The following SLC1A2 variants were observed in gnomAD, a reference collection of about 807,000 sequenced individuals.
The protein encoded by SLC1A2 is solute carrier family 1 member 2.
A neutral mutation model predicts 48.8 loss-of-function variants in SLC1A2; 15 were observed. The ratio of observed to expected loss-of-function variants is 0.31; its 90% CI spans 0.21 to 0.47. The LOEUF (loss-of-function observed/expected upper bound fraction) is 0.47, where lower values mean the gene tolerates loss of function less well. SLC1A2 is among the 20% of genes least tolerant of loss of function. The pLI is 0.99. For synonymous variants in SLC1A2, 279 were observed against 272.6 expected, an observed-to-expected ratio of 1.02 and a Z score of -0.23; for missense variants, 502 against 730.5, an observed-to-expected ratio of 0.69 and a Z score of 3.61.
At chr11:35,317,180 A>G in intron 2 of SLC1A2, 197 bp downstream of exon 2, 1 of 544,510 alleles carries the variant, frequency 1.8e-6, no homozygotes. Context: ...AAGAACTACT[A>G]GAATCCAAAG....
intron 1 of SLC1A2, among the ~76,000 whole-genome samples, chr11:35,325,704 T>C (rs1423752663): frequency 6.6e-6 from 1 of 152,164 alleles, no homozygotes; most frequent in African/African-American, 2.4e-5. Context: ...GGTTCATGCC[T>C]GTAATCCCAG....
intron 1 of SLC1A2, chr11:35,352,266 C>T (rs1853287912): frequency 6.6e-6 from 1 of 152,254 alleles, no homozygotes; most frequent in South Asian, 2.1e-4. Flanking sequence ...TCTCAAACTT[C>T]ATCTAGTTCC....
At chr11:35,347,442 A>C (rs570859827) in intron 1 of SLC1A2, among the ~76,000 whole-genome samples, 4 of 152,374 alleles carry the variant, frequency 2.6e-5, no homozygotes, top group African/African-American at 9.6e-5. Flanking sequence ...TCTCATGGGC[A>C]AAGTCCAAAT....
At chr11:35,360,213 T>C (rs1446002024) in intron 1 of SLC1A2, 4 of 361,700 alleles carry the variant, frequency 1.1e-5, no homozygotes, top group Non-Finnish European at 7.7e-6. Flanking sequence ...CTGACTTTTG[T>C]CATTTGGTTC....
intron 1 of SLC1A2, among the ~76,000 whole-genome samples, chr11:35,360,460 C>T (rs564498859): frequency 1.3e-5 from 2 of 152,302 alleles, no homozygotes; most frequent in Admixed American, 1.3e-4. Flanking sequence ...ACCTTCACTT[C>T]TCTAACACCA....
intron 1 of SLC1A2, among the ~76,000 whole-genome samples, chr11:35,417,108 G>A (rs148505816): frequency 8.7e-4 from 133 of 152,304 alleles, no homozygotes; most frequent in African/African-American, 2.6e-3. Context: ...TTTCCCAGCC[G>A]TTCAACTTTT....
intron 1 of SLC1A2, among the ~76,000 whole-genome samples, chr11:35,335,168 G>T (rs113160254): frequency 1.3e-4 from 20 of 152,190 alleles, no homozygotes; most frequent in Middle Eastern, 3.4e-3. Context: ...ATGCATTGAT[G>T]GGGGGGAAGT....
At chr11:35,332,467 C>T (rs1852461648) in intron 1 of SLC1A2, among the ~76,000 whole-genome samples, 1 of 152,202 alleles carries the variant, frequency 6.6e-6, no homozygotes, top group African/African-American at 2.4e-5. Context: ...AGGAACATGT[C>T]CTGTTTTTAT....
At chr11:35,319,860 G>T (rs138192497) in intron 1 of SLC1A2, among the ~76,000 whole-genome samples, 2 of 152,176 alleles carry the variant, frequency 1.3e-5, no homozygotes, top group African/African-American at 4.8e-5. Context: ...GAGAATTCTC[G>T]TGAGTTACCC....
At chr11:35,267,989 A>T (rs1465527421) in intron 9 of SLC1A2, among the ~76,000 whole-genome samples, 1 of 152,202 alleles carries the variant, frequency 6.6e-6, no homozygotes, top group Non-Finnish European at 1.5e-5. Context: ...CAGTAAAGTG[A>T]CCAGACTCTC....
At chr11:35,338,712 A>G (rs952542195) in intron 1 of SLC1A2, among the ~76,000 whole-genome samples, 10 of 152,222 alleles carry the variant, frequency 6.6e-5, no homozygotes, top group East Asian at 3.8e-4. Flanking sequence ...AGATACACCT[A>G]AAGTTATCTC....
At chr11:35,336,145 A>C (rs7940317) in intron 1 of SLC1A2, among the ~76,000 whole-genome samples, 3,765 of 147,534 alleles carry the variant, frequency 0.026, 154 homozygotes, top group African/African-American at 0.088. Context: ...GGAGGGGAAC[A>C]ACACACACTG....
At chr11:35,312,546 G>T in intron 3 of SLC1A2, 98 bp from the exon 4 acceptor site, 2 of 1,323,708 alleles carry the variant, frequency 1.5e-6, no homozygotes, top group South Asian at 1.3e-5. Context: ...TTACTCAAAT[G>T]TGTTAATGGT....
intron 1 of SLC1A2, among the ~76,000 whole-genome samples, chr11:35,352,945 C>T (rs1246359758): frequency 2.6e-5 from 4 of 152,118 alleles, no homozygotes; most frequent in African/African-American, 9.7e-5. Flanking sequence ...GCAGTGACAA[C>T]CAGAGACCTC....
rs142537360 is a variant in SLC1A2, at chr11:35,255,570, A to G, written c.*5324T>C. 1 of 152,358 alleles carries G rather than the reference A, an allele frequency of 6.6e-6. No individual in the cohort carries two copies. The highest frequency in any genetic ancestry group is 1.5e-5 in the Non-Finnish European group (1 of 68,044). 9.4% of individuals were successfully genotyped at this position (152,358 alleles called of 1,614,324 possible). ...AAATTTCAAAAGAGTGATCAAGGTT[A>G]TTCACCAAAGGCTCTCAAATTCCCA... is the stretch of plus-strand genomic sequence containing the variant. On this transcript the variant is annotated 3_prime_UTR_variant, in exon 11 of 11. Transcript: ENST00000278379.
chr11:35,371,155 C>T (rs1445188570), intron 1 of SLC1A2: 13 of 772,030 alleles, frequency 1.7e-5, no homozygotes, highest in Non-Finnish European at 2.0e-5. Flanking sequence ...CCTAAAGCAA[C>T]CTACTTTGTC....
chr11:35,418,880 C>G lies in SLC1A2; in HGVS notation c.17+70G>C, dbSNP rs1440370775. On this transcript the variant is annotated intron_variant, in intron 1 of 10. Transcript: ENST00000278379. ...GCCGCCGCCGCCTCTCTATCCGCAT[C>G]CCGGATAGGGGCGCCACCACCCCGC... 2.7e-5 allele frequency: 39 copies of G among 1,431,252 alleles called. No individual in the cohort carries two copies. The South Asian group carries it at 4.7e-4, about 17-fold the overall frequency. 88.7% of individuals were successfully genotyped at this position (1,431,252 alleles called of 1,614,324 possible). A position where few individuals can be genotyped will look rare whatever the true frequency, so the allele number is the denominator to read the frequency against.
rs577124997 is a variant in SLC1A2 at position 35,259,694 on chromosome 11, G to T, written c.*1200C>A. The T allele has an allele frequency of 6.6e-6, 1 of 152,352 alleles. No homozygotes were observed. The highest frequency in any genetic ancestry group is 1.9e-4 in the East Asian group (1 of 5,190). The allele number at this position is 152,352 out of a possible 1,614,324, so 9.4% of individuals were successfully genotyped here. ...TTTATAGGGTTTTGCACAGATGTTTGTTTTCTGTTCCTTTCTACTGAGAAG... is the reference window on the plus strand; with the variant it reads ...TTTATAGGGTTTTGCACAGATGTTTTTTTTCTGTTCCTTTCTACTGAGAAG... On this transcript the variant is annotated 3_prime_UTR_variant, in exon 11 of 11. Transcript: ENST00000278379.
chr11:35,333,034 C>A (rs1476992454), intron 1 of SLC1A2, among the ~76,000 whole-genome samples: 1 of 152,174 alleles, frequency 6.6e-6, no homozygotes. Flanking sequence ...CTGGAGTGGT[C>A]TCATTCCCCA....
Sources: allele counts gnomAD v4.1 joint callset (sites outside exome capture counted in the v4.1 genomes callset), GRCh38; gene constraint gnomAD v4.1.1; transcripts MANE v1.5; gene names NCBI Gene and HGNC (gene_info 2026-07-23, HGNC 2026-07-21).